Variants in PCDH15 observed in about 807,000 individuals in gnomAD.
PCDH15 encodes the protein protocadherin-15.
PCDH15 carries 129 observed loss-of-function variants against 178.5 expected under a neutral mutation model. The observed-to-expected ratio is 0.72, with a 90% confidence interval of 0.63 to 0.84. The LOEUF (loss-of-function observed/expected upper bound fraction) is 0.84, where lower values mean the gene tolerates loss of function less well. PCDH15 is among the 40% of genes least tolerant of loss of function. The pLI is 0.00. For missense variants in PCDH15, 2,230 were observed against 2,099.9 expected (o/e 1.06, Z -1.21); for synonymous variants, 800 against 732.0 (o/e 1.09, Z -1.50).
intron 1 of PCDH15, among the ~76,000 whole-genome samples, chr10:55,177,385 A>G (rs1450456529): frequency 1.3e-5 from 2 of 152,146 alleles, no homozygotes; most frequent in African/African-American, 2.4e-5. Context: ...CCCATTGGGA[A>G]GCCGTTCAAT....
intron 2 of PCDH15, among the ~76,000 whole-genome samples, chr10:54,914,621 A>T (rs1954871493): frequency 6.6e-6 from 1 of 152,202 alleles, no homozygotes; most frequent in African/African-American, 2.4e-5. Flanking sequence ...TCTGGACACT[A>T]AGCAATGTAT....
rs1474513141 is a variant in PCDH15, at chr10:53,802,838, C to G, written c.*3741G>C. The stretch of plus-strand genomic sequence containing the variant: ...AACAATGCATTTTAACTTAAAACTT[C>G]TAATTCAGATTCTTATACAGTAACA... On this transcript the variant is annotated 3_prime_UTR_variant, in exon 38 of 38. Transcript: ENST00000644397. 1 of 151,856 alleles carries G rather than the reference C, an allele frequency of 6.6e-6. No individual in the cohort carries two copies. 9.4% of individuals were successfully genotyped at this position (151,856 alleles called of 1,614,324 possible).
At chr10:54,755,075 G>C (rs1163463882) in intron 1 of PCDH15, among the ~76,000 whole-genome samples, 1 of 150,140 alleles carries the variant, frequency 6.7e-6, no homozygotes, top group Non-Finnish European at 1.5e-5. Context: ...CAGCCTCCCA[G>C]TCCCTTGCCA....
intron 1 of PCDH15, among the ~76,000 whole-genome samples, chr10:55,221,967 C>T (rs564045358): frequency 9.3e-5 from 14 of 150,892 alleles, no homozygotes; most frequent in South Asian, 8.4e-4. Flanking sequence ...CCTGGGTTCA[C>T]GCCATTCTCC....
chr10:55,019,077 G>T (rs901964304), intron 2 of PCDH15, among the ~76,000 whole-genome samples: 20 of 152,008 alleles, frequency 1.3e-4, no homozygotes, highest in South Asian at 2.1e-4. Context: ...CACCTTTAAA[G>T]AAATGCTCTA....
chr10:55,445,470 C>A (rs948206448), intron 2 of PCDH15, among the ~76,000 whole-genome samples: 2 of 152,086 alleles, frequency 1.3e-5, no homozygotes, highest in Non-Finnish European at 2.9e-5. Flanking sequence ...GCCTCAGTTT[C>A]ATCTTTAAAA....
At chr10:54,906,186 T>C (rs1235380742) in intron 2 of PCDH15, among the ~76,000 whole-genome samples, 1 of 152,050 alleles carries the variant, frequency 6.6e-6, no homozygotes, top group Non-Finnish European at 1.5e-5. Flanking sequence ...AACATCCAAT[T>C]TGTAAATTGA....
chr10:55,151,042 G>C (rs1223514566), intron 2 of PCDH15, among the ~76,000 whole-genome samples: 1 of 152,042 alleles, frequency 6.6e-6, no homozygotes, highest in Admixed American at 6.6e-5. Context: ...TTTGAGTAAA[G>C]CCAAGTATTT....
intron 2 of PCDH15, among the ~76,000 whole-genome samples, chr10:55,596,257 C>T (rs541169712): frequency 2.0e-5 from 3 of 152,146 alleles, no homozygotes; most frequent in Admixed American, 1.3e-4. Context: ...AGATCCTAAT[C>T]CTACCAAAAC....
At chr10:54,726,994 A>G (rs1942640424) in intron 1 of PCDH15, among the ~76,000 whole-genome samples, 1 of 117,014 alleles carries the variant, frequency 8.5e-6, no homozygotes, top group Non-Finnish European at 1.8e-5. Context: ...TTTTGTGGGT[A>G]TTAACATTAA....
chr10:54,238,315 T>TA (rs908965058), intron 8 of PCDH15, among the ~76,000 whole-genome samples: 21 of 152,110 alleles, frequency 1.4e-4, no homozygotes, highest in Non-Finnish European at 1.6e-4. Flanking sequence ...GATGGCATGC[T>TA]AAAAAAAGAG....
At chr10:53,863,076 C>CT (rs1490321597) in intron 27 of PCDH15, among the ~76,000 whole-genome samples, 2 of 152,114 alleles carry the variant, frequency 1.3e-5, no homozygotes, top group Admixed American at 1.3e-4. Flanking sequence ...AAATAAACAC[C>CT]TTTTAAAAAT....
At chr10:54,314,137 A>ACG (rs200934221) in intron 8 of PCDH15, among the ~76,000 whole-genome samples, 334 of 14,248 alleles carry the variant, frequency 0.023, 1 homozygote, top group African/African-American at 0.13. Context: ...AAGTACACAC[A>ACG]CACACACACA....
chr10:54,548,482 T>C (rs2086136138), intron 2 of PCDH15, among the ~76,000 whole-genome samples: 2 of 147,986 alleles, frequency 1.4e-5, no homozygotes, highest in African/African-American at 4.9e-5. Flanking sequence ...AAATATCACC[T>C]ATTTATACTT....
intron 2 of PCDH15, among the ~76,000 whole-genome samples, chr10:54,982,189 G>GTGA (rs1839251522): frequency 6.6e-6 from 1 of 152,062 alleles, no homozygotes; most frequent in Admixed American, 6.6e-5. Context: ...GAGACGTAAA[G>GTGA]TGATGATAAT....
intron 17 of PCDH15, among the ~76,000 whole-genome samples, chr10:54,073,080 T>A (rs1443722037): frequency 6.8e-6 from 1 of 147,334 alleles, no homozygotes; most frequent in Non-Finnish European, 1.5e-5. Context: ...TAAAGAAGCT[T>A]TTTTTTCTCT....
At chr10:53,885,191 C>CTTA (rs2081003833) in intron 26 of PCDH15, among the ~76,000 whole-genome samples, 1 of 152,010 alleles carries the variant, frequency 6.6e-6, no homozygotes, top group African/African-American at 2.4e-5. Context: ...CCAGGCTGGG[C>CTTA]TTATTTTTTA....
At chr10:55,563,024 C>T (rs1237079333) in intron 2 of PCDH15, among the ~76,000 whole-genome samples, 8 of 151,938 alleles carry the variant, frequency 5.3e-5, no homozygotes, top group African/African-American at 7.2e-5. Context: ...TATCCCCACC[C>T]TCAACCCCAA....
chr10:55,223,918 C>A (rs1306923765), intron 1 of PCDH15, among the ~76,000 whole-genome samples: 3 of 151,986 alleles, frequency 2.0e-5, no homozygotes, highest in African/African-American at 7.3e-5. Context: ...GAAGCACATA[C>A]CCTCTATAAT....
Sources: allele counts gnomAD v4.1 joint callset (sites outside exome capture counted in the v4.1 genomes callset), GRCh38; gene constraint gnomAD v4.1.1; transcripts MANE v1.5; gene names NCBI Gene and HGNC (gene_info 2026-07-23, HGNC 2026-07-21).